The following DPP10 variants were observed in gnomAD, a reference collection of about 807,000 sequenced individuals.
DPP10 encodes inactive dipeptidyl peptidase 10.
Under a neutral mutation model 120.9 loss-of-function variants are expected in DPP10, and 33 were observed. That is an observed-to-expected ratio of 0.27 (90% confidence interval 0.21 to 0.37). The LOEUF is 0.37. Among genes scored for constraint, DPP10 ranks in the 10% least tolerant of loss-of-function variants. The probability of loss-of-function intolerance (pLI) is 1.00; values close to 1 mark genes in which losing one functional copy is unlikely to be tolerated. For synonymous variants in DPP10, 337 were observed against 326.1 expected (o/e 1.03, Z -0.36); for missense variants, 816 against 942.8 (o/e 0.87, Z 1.76).
chr2:115,600,688 C>T (rs1274435993), intron 5 of DPP10, among the ~76,000 whole-genome samples: 1 of 152,090 alleles, frequency 6.6e-6, no homozygotes, highest in East Asian at 1.9e-4. Context: ...AGAGATGGCA[C>T]CTTTGAAGTT....
intron 3 of DPP10, among the ~76,000 whole-genome samples, chr2:115,483,134 A>G (rs1319911589): frequency 6.6e-6 from 1 of 152,098 alleles, no homozygotes; most frequent in Non-Finnish European, 1.5e-5. Context: ...AAAAATGCTT[A>G]CTAAATCATG....
intron 1 of DPP10, among the ~76,000 whole-genome samples, chr2:114,513,966 A>G (rs1684385230): frequency 6.6e-6 from 1 of 152,218 alleles, no homozygotes; most frequent in Non-Finnish European, 1.5e-5. Context: ...CTAAGTGCAT[A>G]AAATACGGGA....
At chr2:115,598,013 G>A (rs1451015242) in intron 5 of DPP10, among the ~76,000 whole-genome samples, 4 of 151,890 alleles carry the variant, frequency 2.6e-5, no homozygotes, top group African/African-American at 4.8e-5. Flanking sequence ...TATGAAATAT[G>A]TCTCTATGTT....
intron 4 of DPP10, among the ~76,000 whole-genome samples, chr2:115,525,387 G>A (rs1205353521): frequency 6.6e-6 from 1 of 152,106 alleles, no homozygotes; most frequent in African/African-American, 2.4e-5. Context: ...CAAATGCAAT[G>A]TTCTGTATTT....
At chr2:114,829,458 A>G (rs111444386) in intron 1 of DPP10, among the ~76,000 whole-genome samples, 35,254 of 147,192 alleles carry the variant, frequency 0.24, 4,453 homozygotes, top group Middle Eastern at 0.34. Context: ...ACCTCGGCTC[A>G]CTGCAACCTC....
Position 114,549,614 on chromosome 2 carries a change from T to C in DPP10, c.60+106776T>C, listed in dbSNP as rs1397928304. On this transcript the variant is annotated intron_variant, in intron 1 of 25. Coordinates refer to ENST00000410059, the MANE Select transcript of DPP10 (RefSeq NM_020868.6). The stretch of plus-strand genomic sequence containing the variant: ...AGGCGGAGGTTGCAGTGAGCTGAGA[T>C]TGTGCCACTGCACTCCAGCCTGGGC... Among the ~76,000 whole-genome samples, 11 of 147,962 alleles carry C rather than the reference T, an allele frequency of 7.4e-5. No individual in the cohort carries two copies. The East Asian group carries it at 2.2e-3, about 29-fold the overall frequency.
chr2:114,596,392 C>CG (rs5833554), intron 1 of DPP10, among the ~76,000 whole-genome samples: 22,746 of 151,740 alleles, frequency 0.15, 2,115 homozygotes, highest in African/African-American at 0.26. Context: ...TGAGGGTCTT[C>CG]GAAAAGCAAA....
intron 1 of DPP10, among the ~76,000 whole-genome samples, chr2:114,760,011 C>T (rs537881047): frequency 2.6e-5 from 4 of 152,194 alleles, no homozygotes; most frequent in Admixed American, 6.5e-5. Context: ...ATCGTCAAGT[C>T]ACCCACTTCT....
chr2:115,798,030 T>C (rs971162377), intron 19 of DPP10, among the ~76,000 whole-genome samples: 3 of 151,762 alleles, frequency 2.0e-5, no homozygotes, highest in Non-Finnish European at 4.4e-5. Flanking sequence ...TAACATAGGT[T>C]TTAGATATGC....
chr2:114,918,710 T>C (rs1360029171), intron 1 of DPP10, among the ~76,000 whole-genome samples: 2 of 152,174 alleles, frequency 1.3e-5, no homozygotes, highest in Non-Finnish European at 2.9e-5. Flanking sequence ...AACCAAATAC[T>C]GCATGTTCTC....
chr2:115,085,091 T>C (rs1203048972), intron 1 of DPP10, among the ~76,000 whole-genome samples: 2 of 152,176 alleles, frequency 1.3e-5, no homozygotes, highest in Non-Finnish European at 2.9e-5. Flanking sequence ...TTATCTCTTG[T>C]AGAAGAATTT....
intron 1 of DPP10, among the ~76,000 whole-genome samples, chr2:115,038,901 C>T (rs1471138674): frequency 2.6e-5 from 4 of 152,146 alleles, no homozygotes; most frequent in Non-Finnish European, 4.4e-5. Context: ...TCCTAATGCT[C>T]AGATTTCTGG....
chr2:114,485,692 T>C (rs1466438770), intron 1 of DPP10, among the ~76,000 whole-genome samples: 1 of 152,030 alleles, frequency 6.6e-6, no homozygotes, highest in African/African-American at 2.4e-5. Flanking sequence ...GCTCCTCTCT[T>C]CTTCAGCTAT....
chr2:114,640,269 C>T (rs186605329), intron 1 of DPP10, among the ~76,000 whole-genome samples: 13 of 151,978 alleles, frequency 8.6e-5, no homozygotes, highest in South Asian at 4.2e-4. Flanking sequence ...TGTCCTGGAA[C>T]GCTGAGTAGA....
chr2:115,286,134 T>C (rs1196168360), intron 1 of DPP10, among the ~76,000 whole-genome samples: 1 of 151,594 alleles, frequency 6.6e-6, no homozygotes, highest in African/African-American at 2.4e-5. Flanking sequence ...TATAATAAAA[T>C]ACTCTTACTC....
chr2:114,972,905 T>C (rs1043087760), intron 1 of DPP10, among the ~76,000 whole-genome samples: 2 of 152,216 alleles, frequency 1.3e-5, no homozygotes, highest in African/African-American at 4.8e-5. Context: ...GGTCAATATT[T>C]GCTAATCACA....
At chr2:114,746,024 G>C (rs1678546897) in intron 1 of DPP10, among the ~76,000 whole-genome samples, 1 of 152,196 alleles carries the variant, frequency 6.6e-6, no homozygotes, top group African/African-American at 2.4e-5. Context: ...CTAACAATGT[G>C]CCTTGCTGTT....
At chr2:115,415,840 TTTATATATATATATATA>T (rs2069346599) in intron 3 of DPP10, among the ~76,000 whole-genome samples, 4 of 83,424 alleles carry the variant, frequency 4.8e-5, no homozygotes, top group African/African-American at 2.0e-4. Context: ...CTGATTTGCT[TTTATATATATATATATA>T]TATATATATA....
At chr2:115,064,680 T>G (rs546911670) in intron 1 of DPP10, 3 of 1,296,968 alleles carry the variant, frequency 2.3e-6, no homozygotes, top group Non-Finnish European at 3.1e-6. Context: ...GTGAGTGACA[T>G]GCAAGGAACT....
Sources: allele counts gnomAD v4.1 joint callset (sites outside exome capture counted in the v4.1 genomes callset), GRCh38; gene constraint gnomAD v4.1.1; transcripts MANE v1.5; gene names NCBI Gene and HGNC (gene_info 2026-07-23, HGNC 2026-07-21).